TNFAIP6: variants seen among roughly 807,000 people sequenced by gnomAD.
TNFAIP6 encodes tumor necrosis factor-inducible gene 6 protein.
Under a neutral mutation model 33.7 loss-of-function variants are expected in TNFAIP6, and 36 were observed. That is an observed-to-expected ratio of 1.07 (90% confidence interval 0.82 to 1.41). The LOEUF is 1.41. TNFAIP6 is among the 40% of genes most tolerant of loss of function. The pLI is 0.00. For missense variants in TNFAIP6, 273 were observed against 331.9 expected (o/e 0.82, Z 1.38); for synonymous variants, 113 against 112.8 (o/e 1.00, Z -0.01).
intron 1 of TNFAIP6, among the ~76,000 whole-genome samples, chr2:151,362,863 A>G (rs528937599): frequency 6.6e-6 from 1 of 152,186 alleles, no homozygotes; most frequent in African/African-American, 2.4e-5. Context: ...CGTCATTGTG[A>G]GCCTACATAA....
chr2:151,361,055 A>G (rs1186675733), intron 1 of TNFAIP6, among the ~76,000 whole-genome samples: 1 of 151,934 alleles, frequency 6.6e-6, no homozygotes, highest in Admixed American at 6.6e-5. Flanking sequence ...AAATCTGTTA[A>G]TTTTTTTGTT....
chr2:151,361,496 TA>T (rs1439796166), intron 1 of TNFAIP6, among the ~76,000 whole-genome samples: 6 of 152,242 alleles, frequency 3.9e-5, no homozygotes, highest in African/African-American at 1.4e-4. Context: ...TGTTTTCAAA[TA>T]CAGGTCTTTT....
At chr2:151,372,313 G>A (rs374557374) in intron 4 of TNFAIP6, 3 of 152,160 alleles carry the variant, frequency 2.0e-5, no homozygotes, top group South Asian at 4.1e-4. Flanking sequence ...ACTGTCTTTA[G>A]GAGGTTTGAA....
At position 151,357,607 on chromosome 2, in the gene TNFAIP6, A is replaced by C. The variant is rs1432317171; in HGVS notation, c.-60A>C. On this transcript the variant is annotated 5_prime_UTR_variant, in exon 1 of 6. Coordinates refer to ENST00000243347, the MANE Select transcript of TNFAIP6 (RefSeq NM_007115.4). The stretch of plus-strand genomic sequence containing the variant: ...CAGATGTTTCAGTCACATTTCAGCC[A>C]CTGCTCTGAGAATTTGTGAGCAGCC... 1.9e-6 allele frequency: 2 copies of C among 1,059,704 alleles called. No homozygotes were observed. Among genetic ancestry groups the C allele is most frequent in the Admixed American group, 1.7e-5 (1 of 58,234 alleles). The allele number at this position is 1,059,704 out of a possible 1,614,324, so 65.6% of individuals were successfully genotyped here. A position where few individuals can be genotyped will look rare whatever the true frequency, so the allele number is the denominator to read the frequency against.
chr2:151,359,386 A>ATTTTTT (rs35150597), intron 1 of TNFAIP6, among the ~76,000 whole-genome samples: 4 of 130,170 alleles, frequency 3.1e-5, no homozygotes, highest in African/African-American at 5.9e-5. Flanking sequence ...GCAACTCATA[A>ATTTTTT]TTTTTTTTTT....
At chr2:151,376,869 T>TTC (rs201455642) in intron 5 of TNFAIP6, among the ~76,000 whole-genome samples, 3,677 of 146,880 alleles carry the variant, frequency 0.025, 27 homozygotes, top group Non-Finnish European at 0.038. Flanking sequence ...TCTTTTCTTT[T>TTC]TTTTTTTTTT....
intron 4 of TNFAIP6, among the ~76,000 whole-genome samples, 157 bp from the exon 5 acceptor site, chr2:151,373,392 A>G (rs1467792791): frequency 6.6e-6 from 1 of 152,106 alleles, no homozygotes; most frequent in Non-Finnish European, 1.5e-5. Flanking sequence ...TTTAACTCCT[A>G]CTCTCTCTTA....
rs1684976481 is a variant in TNFAIP6, at chr2:151,379,419, C to T, written c.720C>T (p.Phe240=). The T allele has an allele frequency of 6.2e-7, 1 of 1,608,764 alleles. No individual in the cohort carries two copies. The highest frequency in any genetic ancestry group is 8.5e-7 in the Non-Finnish European group (1 of 1,177,860). The change falls in exon 6 of 6, where the codon TTC becomes TTT. Residue 240 remains phenylalanine (F), a synonymous_variant. Transcript: ENST00000243347. The part of the protein sequence containing the change: ...LSDASVTAGG[F]QIKYVAMDPV... Reference sequence around the variant, plus strand: ...ATGCTTCAGTGACAGCTGGAGGTTTCCAAATCAAATATGTTGCAATGGATC... The same window carrying T: ...ATGCTTCAGTGACAGCTGGAGGTTTTCAAATCAAATATGTTGCAATGGATC...
chr2:151,373,688 C>A, intron 5 of TNFAIP6, 99 bp downstream of exon 5: 2 of 585,384 alleles, frequency 3.4e-6, no homozygotes, highest in Admixed American at 3.2e-5. Flanking sequence ...AGTTATTATT[C>A]ACTTTTTAAA....
chr2:151,358,480 C>T (rs1446422703), intron 1 of TNFAIP6, among the ~76,000 whole-genome samples: 2 of 151,930 alleles, frequency 1.3e-5, no homozygotes, highest in Admixed American at 1.3e-4. Context: ...TCCAAAACAC[C>T]CCTTAGATTA....
In TNFAIP6 at chr2:151,379,559, A is replaced by G; in HGVS notation, c.*26A>G. The G allele has an allele frequency of 6.7e-7, 1 of 1,485,604 alleles. No individual in the cohort carries two copies. Among genetic ancestry groups the G allele is most frequent in the Non-Finnish European group, 9.0e-7 (1 of 1,110,214 alleles). 92.0% of individuals were successfully genotyped at this position (1,485,604 alleles called of 1,614,324 possible). A position where few individuals can be genotyped will look rare whatever the true frequency, so the allele number is the denominator to read the frequency against. Reference sequence around the variant, plus strand: ...AAAAAAAAAAAAGGATGATCAAAACACACAGTGTTTATGTTGGAATCTTTT... The same window carrying G: ...AAAAAAAAAAAAGGATGATCAAAACGCACAGTGTTTATGTTGGAATCTTTT... On this transcript the variant is annotated 3_prime_UTR_variant, in exon 6 of 6. Transcript: ENST00000243347.
intron 5 of TNFAIP6, among the ~76,000 whole-genome samples, chr2:151,376,212 C>T (rs545710491): frequency 1.9e-4 from 29 of 152,008 alleles, no homozygotes; most frequent in African/African-American, 4.6e-4. Flanking sequence ...CTCCACTGCA[C>T]GCTAGCCTGG....
Position 151,373,585 on chromosome 2 carries a change from T to C in TNFAIP6, c.660T>C (p.Ser220=). 6.5e-7 allele frequency: 1 copy of C among 1,544,032 alleles called. No homozygotes were observed. Among genetic ancestry groups the C allele is most frequent in the South Asian group, 1.3e-5 (1 of 79,300 alleles). The change falls in exon 5 of 6, where the codon AGT becomes AGC. Residue 220 remains serine, a synonymous_variant. Transcript: ENST00000243347. ...CGDELPDDII[S]TGNVMTLKFL... ...ATGAGCTTCCAGATGACATCATCAG[T>C]ACAGGTAAGGTTTTAAATTGAGGAC... is the stretch of plus-strand genomic sequence containing the variant.
intron 4 of TNFAIP6, 70 bp downstream of exon 4, chr2:151,370,318 C>T (rs925703959): frequency 1.8e-6 from 2 of 1,106,744 alleles, no homozygotes; most frequent in African/African-American, 3.1e-5. Flanking sequence ...CTTTAATTTT[C>T]CCTCAACTGT....
intron 5 of TNFAIP6, among the ~76,000 whole-genome samples, chr2:151,375,967 C>A (rs373709618): frequency 2.0e-5 from 3 of 152,202 alleles, no homozygotes; most frequent in Admixed American, 1.3e-4. Flanking sequence ...AGAAGTCAGC[C>A]GGGCACAGTG....
At chr2:151,367,414 C>G (rs1684731465) in intron 3 of TNFAIP6, among the ~76,000 whole-genome samples, 1 of 152,124 alleles carries the variant, frequency 6.6e-6, no homozygotes. Flanking sequence ...CCCTCCCTCT[C>G]TTACATTTTC....
downstream of TNFAIP6, among the ~76,000 whole-genome samples, chr2:151,380,468 G>A (rs1362272044): frequency 2.6e-5 from 4 of 152,080 alleles, no homozygotes; most frequent in African/African-American, 9.7e-5. Context: ...GTTTAGGACT[G>A]TCAAAAGACA....
intron 2 of TNFAIP6, among the ~76,000 whole-genome samples, chr2:151,365,285 G>A (rs1684691452): frequency 6.6e-6 from 1 of 152,166 alleles, no homozygotes; most frequent in Non-Finnish European, 1.5e-5. Flanking sequence ...GGAGGCTGCA[G>A]TGAGCTGTGT....
Position 151,363,975 on chromosome 2 carries a change from C to A in TNFAIP6, c.127C>A (p.Arg43=). The change falls in exon 2 of 6, where the codon CGG becomes AGG. Residue 43 remains arginine (R), a synonymous_variant. Transcript: ENST00000243347. ...RAAGVYHREA[R]SGKYKLTYAE... ...AGCCGGTGTGTACCACAGAGAAGCA[C>A]GGTCTGGCAAATACAAGCTCACCTA... 1 of 1,614,054 alleles carries A rather than the reference C, an allele frequency of 6.2e-7. No individual in the cohort carries two copies. The highest frequency in any genetic ancestry group is 8.5e-7 in the Non-Finnish European group (1 of 1,179,992).
Sources: gnomAD v4.1 joint callset for allele counts (sites outside exome capture counted in the v4.1 genomes callset) on GRCh38, gnomAD v4.1.1 for gene constraint, MANE v1.5 for transcripts, NCBI Gene and HGNC (gene_info 2026-07-23, HGNC 2026-07-21) for gene names.